The following PUS10 variants were observed in gnomAD, a reference collection of about 807,000 sequenced individuals.
The protein encoded by PUS10 is pseudouridine synthase 10.
Under a neutral mutation model 75.0 loss-of-function variants are expected in PUS10, and 59 were observed. The ratio of observed to expected loss-of-function variants is 0.79; its 90% confidence interval spans 0.64 to 0.98. The LOEUF (loss-of-function observed/expected upper bound fraction) is 0.98, where lower values mean the gene tolerates loss of function less well. Ranked by LOEUF, PUS10 falls within the 50% of genes least tolerant of loss-of-function variation. The pLI is 0.00. For missense variants in PUS10, 650 were observed against 614.4 expected (o/e 1.06, Z -0.61); for synonymous variants, 219 against 211.6 (o/e 1.03, Z -0.30).
chr2:60,986,977 T>C (rs1002920625), intron 4 of PUS10, among the ~76,000 whole-genome samples: 9 of 152,218 alleles, frequency 5.9e-5, no homozygotes, highest in African/African-American at 1.9e-4. Context: ...TTAATTGTTG[T>C]TTTTATAATA....
chr2:61,005,616 G>A (rs994645575), intron 4 of PUS10, among the ~76,000 whole-genome samples: 4 of 152,214 alleles, frequency 2.6e-5, no homozygotes, highest in Admixed American at 2.0e-4. Context: ...GCACATCAGT[G>A]AGAAATGCTT....
At chr2:60,983,211 T>C (rs978140779) in intron 4 of PUS10, among the ~76,000 whole-genome samples, 2 of 152,196 alleles carry the variant, frequency 1.3e-5, no homozygotes, top group South Asian at 4.2e-4. Flanking sequence ...TAATTGTTAC[T>C]ATAATCAGAA....
chr2:61,011,865 T>C lies in PUS10; in HGVS notation c.26A>G (p.Lys9Arg). 1 of 1,606,416 alleles carries C rather than the reference T, an allele frequency of 6.2e-7. No individual in the cohort carries two copies. The highest frequency in any genetic ancestry group is 8.5e-7 in the Non-Finnish European group (1 of 1,177,100). The change falls in exon 2 of 18, where the codon AAG becomes AGG. Residue 9 changes from lysine (K) to arginine (R), a missense_variant. Physicochemically the swap from Lys to Arg is conservative, Grantham distance 26. Coordinates refer to ENST00000316752, the MANE Select transcript of PUS10 (RefSeq NM_144709.4). ...ATTGAGCAACAACTGGGCCACATGCTTGTTTTCCTCAGTCAGTGGGAACAT... is the reference window on the plus strand; with the variant it reads ...ATTGAGCAACAACTGGGCCACATGCCTGTTTTCCTCAGTCAGTGGGAACAT... Reference protein sequence around the residue: MFPLTEENKHVAQLLLNTG... With the variant: MFPLTEENRHVAQLLLNTG...
At chr2:61,008,187 G>C (rs1295167022) in intron 3 of PUS10, among the ~76,000 whole-genome samples, 2 of 151,936 alleles carry the variant, frequency 1.3e-5, no homozygotes, top group Non-Finnish European at 2.9e-5. Context: ...AGGAGTTCAA[G>C]ACCAGCACAG....
chr2:61,006,244 A>G (rs1415596530), intron 4 of PUS10, among the ~76,000 whole-genome samples: 1 of 152,208 alleles, frequency 6.6e-6, no homozygotes, highest in Admixed American at 6.5e-5. Context: ...CTGGAAACCT[A>G]GTCAAATCTC....
intron 5 of PUS10, among the ~76,000 whole-genome samples, chr2:60,970,040 C>G (rs1208403191): frequency 6.6e-6 from 1 of 151,676 alleles, no homozygotes; most frequent in South Asian, 2.1e-4. Flanking sequence ...TGCAATTAGC[C>G]GAGATTGCAC....
chr2:60,961,458 T>A lies in PUS10; in HGVS notation c.874+5A>T, dbSNP rs775954962. 6.2e-7 allele frequency: 1 copy of A among 1,611,084 alleles called. No individual in the cohort carries two copies. Among genetic ancestry groups the A allele is most frequent in the East Asian group, 2.2e-5 (1 of 44,856 alleles). ...TGTATGTATATTCTAGACTAAATAT[T>A]TTACCAGCCACAAAAACAGCACCAT... On this transcript the variant is annotated splice_donor_5th_base_variant and intron_variant, in intron 10 of 17. Transcript: ENST00000316752.
intron 16 of PUS10, among the ~76,000 whole-genome samples, chr2:60,945,695 T>A (rs1029837051): frequency 6.6e-6 from 1 of 152,032 alleles, no homozygotes; most frequent in African/African-American, 2.4e-5. Context: ...CTAAGTTAAT[T>A]CTCTCTCTCT....
At chr2:60,951,100 T>C (rs1215985988) in intron 15 of PUS10, among the ~76,000 whole-genome samples, 2 of 152,202 alleles carry the variant, frequency 1.3e-5, no homozygotes, top group African/African-American at 4.8e-5. Context: ...ATATCCTTTG[T>C]CTATTTTTAT....
intron 2 of PUS10, among the ~76,000 whole-genome samples, chr2:61,009,230 C>G (rs1679445847): frequency 6.6e-6 from 1 of 152,038 alleles, no homozygotes; most frequent in Non-Finnish European, 1.5e-5. Context: ...TATGTGAATA[C>G]TTTTTCAAAA....
At chr2:60,955,204 A>C (rs945416165) in intron 11 of PUS10, 130 bp from the exon 12 acceptor site, 2 of 475,524 alleles carry the variant, frequency 4.2e-6, no homozygotes, top group Non-Finnish European at 7.3e-6. Context: ...GAGAGTCATC[A>C]TCCCACCTCT....
At chr2:60,973,029 C>T (rs1035676018) in intron 4 of PUS10, among the ~76,000 whole-genome samples, 1 of 152,192 alleles carries the variant, frequency 6.6e-6, no homozygotes, top group African/African-American at 2.4e-5. Flanking sequence ...GCAGTGGCGG[C>T]GGTGGGACCC....
At chr2:61,004,949 C>A (rs1405904852) in intron 4 of PUS10, among the ~76,000 whole-genome samples, 1 of 152,120 alleles carries the variant, frequency 6.6e-6, no homozygotes, top group Non-Finnish European at 1.5e-5. Context: ...CAGAATAATT[C>A]TATTTTTAAA....
intron 4 of PUS10, among the ~76,000 whole-genome samples, chr2:60,983,966 GA>G (rs1281950983): frequency 1.3e-5 from 2 of 149,898 alleles, no homozygotes. Context: ...AATAGCCAAA[GA>G]AAAAAAATTA....
chr2:60,978,069 C>T (rs185088798), intron 4 of PUS10, among the ~76,000 whole-genome samples: 44 of 152,204 alleles, frequency 2.9e-4, no homozygotes, highest in Non-Finnish European at 5.0e-4. Flanking sequence ...AAAGGATCCT[C>T]GGCTCAGTCT....
chr2:61,000,028 T>C (rs142479693), intron 4 of PUS10, among the ~76,000 whole-genome samples: 1 of 152,298 alleles, frequency 6.6e-6, no homozygotes, highest in East Asian at 1.9e-4. Flanking sequence ...GATTTTGGTA[T>C]CTGTGAGGGG....
intron 1 of PUS10, among the ~76,000 whole-genome samples, chr2:61,015,238 G>A (rs887254645): frequency 4.6e-5 from 7 of 152,168 alleles, no homozygotes; most frequent in Admixed American, 2.0e-4. Context: ...AGTGGCTCAC[G>A]CCTGTAATCC....
chr2:60,951,398 G>A (rs1675329281), intron 15 of PUS10, among the ~76,000 whole-genome samples: 1 of 152,086 alleles, frequency 6.6e-6, no homozygotes, highest in Non-Finnish European at 1.5e-5. Context: ...AATATATAAT[G>A]AAATAATTTT....
chr2:60,953,882 C>A, intron 14 of PUS10, 51 bp downstream of exon 14: 1 of 1,403,170 alleles, frequency 7.1e-7, no homozygotes, highest in Non-Finnish European at 1.0e-6. Context: ...GATATGTGAC[C>A]TGCAACTAAA....
Sources: gnomAD v4.1 joint callset for allele counts (sites outside exome capture counted in the v4.1 genomes callset) on GRCh38, gnomAD v4.1.1 for gene constraint, MANE v1.5 for transcripts, NCBI Gene and HGNC (gene_info 2026-07-23, HGNC 2026-07-21) for gene names.